CALN1: variants seen among roughly 807,000 people sequenced by gnomAD.
CALN1 encodes the protein calneuron 1.
In CALN1, 17 loss-of-function variants were observed where a neutral mutation model predicts 30.6. That is an observed-to-expected ratio of 0.56 (90% CI 0.38 to 0.83). The LOEUF (loss-of-function observed/expected upper bound fraction) is 0.83. Among genes scored for constraint, CALN1 ranks in the 40% least tolerant of loss-of-function variants. The pLI, the probability that CALN1 is intolerant of heterozygous loss-of-function variation, is 0.00. For synonymous variants in CALN1, 156 were observed against 131.4 expected (o/e 1.19, Z -1.28); for missense variants, 291 against 354.9 (o/e 0.82, Z 1.45).
chr7:72,276,996 G>A (rs956458762), intron 3 of CALN1, among the ~76,000 whole-genome samples: 1 of 152,170 alleles, frequency 6.6e-6, no homozygotes, highest in African/African-American at 2.4e-5. Context: ...CAAATCTGCT[G>A]GCACCTTGAT....
chr7:71,911,988 C>T (rs928138462), intron 5 of CALN1, among the ~76,000 whole-genome samples: 5 of 151,990 alleles, frequency 3.3e-5, no homozygotes, highest in African/African-American at 1.2e-4. Flanking sequence ...TCACTGATTC[C>T]ATAGGCTATG....
chr7:72,112,277 A>T (rs1020072345), intron 3 of CALN1, among the ~76,000 whole-genome samples: 1 of 152,184 alleles, frequency 6.6e-6, no homozygotes, highest in African/African-American at 2.4e-5. Flanking sequence ...AATCAGGTGA[A>T]ATTTACAGTA....
chr7:72,033,367 T>C (rs1370297747), intron 4 of CALN1, among the ~76,000 whole-genome samples: 1 of 152,006 alleles, frequency 6.6e-6, no homozygotes, highest in Non-Finnish European at 1.5e-5. Flanking sequence ...GAAGAAAAAA[T>C]GTCTATCTGA....
intron 5 of CALN1, among the ~76,000 whole-genome samples, chr7:71,817,994 T>C (rs968362025): frequency 1.3e-5 from 2 of 152,250 alleles, no homozygotes; most frequent in Non-Finnish European, 1.5e-5. Flanking sequence ...ATGAGGCTAT[T>C]CTGTAGTGCA....
At chr7:72,444,645 A>G (rs902735485) in intron 1 of CALN1, among the ~76,000 whole-genome samples, 1 of 152,194 alleles carries the variant, frequency 6.6e-6, no homozygotes, top group Admixed American at 6.5e-5. Flanking sequence ...AGGAGTCACT[A>G]TAACTATTTA....
chr7:72,209,324 CCCTCTT>C (rs1562740124), intron 3 of CALN1, among the ~76,000 whole-genome samples: 193 of 65,572 alleles, frequency 2.9e-3, no homozygotes, highest in Non-Finnish European at 4.4e-3. Context: ...TTCCCTCCTT[CCCTCTT>C]TCCTTCCCTC....
At chr7:72,387,275 A>C (rs1218633372) in intron 2 of CALN1, among the ~76,000 whole-genome samples, 1 of 9,860 alleles carries the variant, frequency 1.0e-4, no homozygotes, top group Non-Finnish European at 2.0e-4. Flanking sequence ...GAAGGGAGGA[A>C]GGGAGGGAGG....
intron 2 of CALN1, among the ~76,000 whole-genome samples, chr7:72,364,896 A>G (rs142048659): frequency 4.0e-5 from 6 of 151,464 alleles, no homozygotes; most frequent in African/African-American, 1.5e-4. Context: ...TTAGCCGGAC[A>G]TGGTGGCACA....
intron 3 of CALN1, among the ~76,000 whole-genome samples, chr7:72,220,553 T>C (rs1402540014): frequency 2.0e-5 from 3 of 151,958 alleles, no homozygotes; most frequent in Non-Finnish European, 4.4e-5. Context: ...TTTGGGTATA[T>C]ACCCAGTAAT....
chr7:72,468,195 CT>C, the CALN1 span, among the ~76,000 whole-genome samples: 1 of 152,160 alleles, frequency 6.6e-6, no homozygotes, highest in Non-Finnish European at 1.5e-5. Context: ...GTGAATAGTA[CT>C]GCTACAAATG....
intron 3 of CALN1, among the ~76,000 whole-genome samples, chr7:72,236,553 C>T (rs915153925): frequency 6.6e-6 from 1 of 152,232 alleles, no homozygotes; most frequent in Admixed American, 6.5e-5. Flanking sequence ...TCCTGCCATT[C>T]ATTGGCATGC....
intron 5 of CALN1, among the ~76,000 whole-genome samples, chr7:71,970,994 C>T (rs1057478680): frequency 6.6e-6 from 1 of 152,104 alleles, no homozygotes; most frequent in Non-Finnish European, 1.5e-5. Flanking sequence ...ATCCTGAAGG[C>T]ATCTTAGGTG....
At chr7:72,083,289 A>C (rs1280502879) in intron 4 of CALN1, among the ~76,000 whole-genome samples, 1 of 152,252 alleles carries the variant, frequency 6.6e-6, no homozygotes, top group East Asian at 1.9e-4. Context: ...TGTAAGGATC[A>C]GAATTTAAAA....
chr7:71,966,910 T>C (rs781509393), intron 5 of CALN1, among the ~76,000 whole-genome samples: 1 of 152,192 alleles, frequency 6.6e-6, no homozygotes, highest in Non-Finnish European at 1.5e-5. Flanking sequence ...CTCTAGACAC[T>C]CTAAAATTTA....
chr7:72,432,781 GGCTACTTTATGACATGCTTCAGCAA>G (rs1256676081), intron 1 of CALN1, among the ~76,000 whole-genome samples: 3 of 152,182 alleles, frequency 2.0e-5, no homozygotes, highest in East Asian at 3.9e-4. Flanking sequence ...CTCTGAAGTT[GGCTACTTTATGACATGCTTCAGCAA>G]GCACCAGCTC....
chr7:72,408,292 TTAG>T (rs1554403070), intron 1 of CALN1, among the ~76,000 whole-genome samples: 4 of 129,762 alleles, frequency 3.1e-5, no homozygotes, highest in South Asian at 2.4e-4. Context: ...AAAAAAAAAA[TTAG>T]TAGTGCGTGG....
At chr7:71,982,312 C>T (rs930914869) in intron 5 of CALN1, among the ~76,000 whole-genome samples, 13 of 152,232 alleles carry the variant, frequency 8.5e-5, no homozygotes, top group African/African-American at 2.6e-4. Flanking sequence ...ATGCAAGGGT[C>T]GGCCGGGCAC....
chr7:72,221,888 CA>C (rs35067592), intron 3 of CALN1, among the ~76,000 whole-genome samples: 1 of 148,342 alleles, frequency 6.7e-6, no homozygotes. Flanking sequence ...GACTCCATCT[CA>C]AAAAAAAAAG....
chr7:72,482,866 T>G, the CALN1 span, among the ~76,000 whole-genome samples: 26 of 152,296 alleles, frequency 1.7e-4, no homozygotes, highest in East Asian at 4.2e-3. Flanking sequence ...CTGAAAAAAT[T>G]TCTTAAACAC....
Sources: gnomAD v4.1 joint callset for allele counts (sites outside exome capture counted in the v4.1 genomes callset) on GRCh38, gnomAD v4.1.1 for gene constraint, MANE v1.5 for transcripts, NCBI Gene and HGNC (gene_info 2026-07-23, HGNC 2026-07-21) for gene names.